LUC7L2: variants seen among roughly 807,000 people sequenced by gnomAD.
LUC7L2 encodes the protein putative RNA-binding protein Luc7-like 2.
A neutral mutation model predicts 52.8 loss-of-function variants in LUC7L2; 25 were observed. The observed-to-expected ratio is 0.47, with a 90% CI of 0.34 to 0.66. The LOEUF (loss-of-function observed/expected upper bound fraction) is 0.66, where lower values mean the gene tolerates loss of function less well. LUC7L2 is among the 30% of genes least tolerant of loss of function. The pLI, the probability that LUC7L2 is intolerant of heterozygous loss-of-function variation, is 0.01. For missense variants in LUC7L2, 328 were observed against 497.8 expected (o/e 0.66, Z 3.25); for synonymous variants, 144 against 160.9 (o/e 0.89, Z 0.80).
intron 1 of LUC7L2, among the ~76,000 whole-genome samples, chr7:139,352,386 T>G (rs1799485186): frequency 6.6e-6 from 1 of 152,120 alleles, no homozygotes; most frequent in African/African-American, 2.4e-5. Flanking sequence ...TCCTAGCTGC[T>G]CAGGACACTG....
intron 1 of LUC7L2, chr7:139,375,602 A>G: frequency 1.0e-6 from 1 of 985,970 alleles, no homozygotes; most frequent in Non-Finnish European, 1.2e-6. Flanking sequence ...TGTTTGCAAG[A>G]TTATTTTTTA....
At chr7:139,381,036 C>A (rs751137062) in intron 2 of LUC7L2, among the ~76,000 whole-genome samples, 2 of 151,982 alleles carry the variant, frequency 1.3e-5, no homozygotes, top group African/African-American at 4.8e-5. Context: ...TTTATGATAG[C>A]CCTCATCATA....
chr7:139,387,544 G>T (rs1362580879), intron 2 of LUC7L2, among the ~76,000 whole-genome samples: 1 of 152,006 alleles, frequency 6.6e-6, no homozygotes, highest in Non-Finnish European at 1.5e-5. Context: ...GGAAACAAAA[G>T]AAACAAATGG....
intron 5 of LUC7L2, 52 bp downstream of exon 5, chr7:139,405,839 A>C (rs773362253): frequency 6.5e-7 from 1 of 1,530,328 alleles, no homozygotes; most frequent in South Asian, 1.3e-5. Flanking sequence ...TAAGACTACA[A>C]ATAAAAAGTA....
chr7:139,394,856 C>A (rs1158041227), intron 2 of LUC7L2, among the ~76,000 whole-genome samples: 1 of 152,174 alleles, frequency 6.6e-6, no homozygotes, highest in Admixed American at 6.5e-5. Flanking sequence ...GCACCCTGAG[C>A]AAGTCATTCT....
intron 9 of LUC7L2, among the ~76,000 whole-genome samples, chr7:139,419,766 A>G (rs963197116): frequency 1.3e-5 from 2 of 152,350 alleles, no homozygotes; most frequent in Middle Eastern, 3.4e-3. Flanking sequence ...GATCATATCT[A>G]AGATGTCAGC....
chr7:139,394,396 A>G (rs575170429), intron 2 of LUC7L2, among the ~76,000 whole-genome samples: 24 of 152,270 alleles, frequency 1.6e-4, no homozygotes, highest in African/African-American at 4.6e-4. Context: ...TACTCTCACC[A>G]AAAAGTCCAC....
chr7:139,372,159 A>G (rs901481250), intron 1 of LUC7L2, among the ~76,000 whole-genome samples: 2 of 152,256 alleles, frequency 1.3e-5, no homozygotes, highest in East Asian at 3.8e-4. Flanking sequence ...GTTATAGGAC[A>G]GAGAGATCTC....
At chr7:139,360,928 C>T (rs1455448792) in intron 1 of LUC7L2, among the ~76,000 whole-genome samples, 2 of 152,174 alleles carry the variant, frequency 1.3e-5, no homozygotes, top group African/African-American at 2.4e-5. Context: ...ATGTTATGGC[C>T]TGTTTTTCCG....
intron 1 of LUC7L2, chr7:139,341,264 C>A: frequency 1.4e-6 from 2 of 1,462,230 alleles, no homozygotes; most frequent in Middle Eastern, 2.6e-4. Context: ...TTCCACTGCT[C>A]GTCAGTCGAT....
chr7:139,390,716 C>T (rs942121332), intron 2 of LUC7L2, among the ~76,000 whole-genome samples: 13 of 151,948 alleles, frequency 8.6e-5, no homozygotes, highest in African/African-American at 2.7e-4. Context: ...CCACCATGCC[C>T]GGCTAATTTT....
At chr7:139,345,588 CAT>C in intron 1 of LUC7L2, 4 of 1,614,150 alleles carry the variant, frequency 2.5e-6, no homozygotes, top group Non-Finnish European at 2.5e-6. Context: ...CATCCGGAAA[CAT>C]GTGGCCCTAC....
At chr7:139,417,493 ATAG>A in intron 8 of LUC7L2, 42 bp from the exon 9 acceptor site, 1 of 1,584,384 alleles carries the variant, frequency 6.3e-7, no homozygotes, top group Non-Finnish European at 8.6e-7. Context: ...AATGAGAAAT[ATAG>A]TAATTACAAA....
At position 139,422,329 on chromosome 7, in the gene LUC7L2, G is replaced by A. The variant is rs767787861; in HGVS notation, c.1168G>A (p.Gly390Arg). ...DRRSSEEREA[G>R]EI ...GAGGAGCTCTGAAGAGCGCGAAGCA[G>A]GGGAGATCTAACTAGCTGTGTACAT... The change falls in exon 10 of 10, where the codon GGG becomes AGG. Residue 390 changes from glycine (G) to arginine (R), a missense_variant. Coordinates refer to ENST00000354926, the MANE Select transcript of LUC7L2 (RefSeq NM_016019.5). 6.2e-7 allele frequency: 1 copy of A among 1,610,708 alleles called. No individual in the cohort carries two copies. The highest frequency in any genetic ancestry group is 1.1e-5 in the South Asian group (1 of 90,486).
At chr7:139,343,925 CCA>C (rs371547113) in intron 1 of LUC7L2, among the ~76,000 whole-genome samples, 29 of 126,508 alleles carry the variant, frequency 2.3e-4, no homozygotes, top group Admixed American at 1.8e-3. Context: ...GACCCTGTCC[CCA>C]AAAAAAAAAA....
chr7:139,368,489 A>G (rs1326862469), intron 1 of LUC7L2, among the ~76,000 whole-genome samples: 5 of 152,248 alleles, frequency 3.3e-5, no homozygotes, highest in Admixed American at 6.5e-5. Flanking sequence ...CTGTAATCCC[A>G]GCACTTTGGG....
upstream of LUC7L2, chr7:139,359,427 C>T (rs572218248): frequency 2.0e-4 from 34 of 167,282 alleles, no homozygotes; most frequent in Middle Eastern, 2.6e-3. Context: ...CGAGACAGGC[C>T]TGCTCCCGGC....
At chr7:139,359,782 G>A (rs984447224), upstream of LUC7L2, 4 of 400,988 alleles carry the variant, frequency 1.0e-5, no homozygotes, top group African/African-American at 8.3e-5. Flanking sequence ...GCGTGCACGC[G>A]CCCAGAGCCG....
At chr7:139,390,211 C>A (rs1204211443) in intron 2 of LUC7L2, among the ~76,000 whole-genome samples, 1 of 121,522 alleles carries the variant, frequency 8.2e-6, no homozygotes, top group Admixed American at 7.4e-5. Context: ...TGGTCCAGTG[C>A]CCAGTCTCTC....
Sources: allele counts gnomAD v4.1 joint callset (sites outside exome capture counted in the v4.1 genomes callset), GRCh38; gene constraint gnomAD v4.1.1; transcripts MANE v1.5; gene names NCBI Gene and HGNC (gene_info 2026-07-23, HGNC 2026-07-21).